SMC2: variants seen among roughly 807,000 people sequenced by gnomAD.
The protein encoded by SMC2 is structural maintenance of chromosomes protein 2.
SMC2 carries 41 observed loss-of-function variants against 142.6 expected under a neutral mutation model. The observed-to-expected ratio is 0.29, with a 90% CI of 0.22 to 0.37. The LOEUF is 0.37. Ranked by LOEUF, SMC2 falls within the 10% of genes least tolerant of loss-of-function variation. The pLI is 1.00. For missense variants in SMC2, 1,265 were observed against 1,373.7 expected, an observed-to-expected ratio of 0.92 and a Z score of 1.25; for synonymous variants, 463 against 457.5, an observed-to-expected ratio of 1.01 and a Z score of -0.15.
At chr9:104,105,018 T>C (rs1831589643) in intron 9 of SMC2, among the ~76,000 whole-genome samples, 2 of 152,186 alleles carry the variant, frequency 1.3e-5, no homozygotes, top group South Asian at 4.1e-4. Flanking sequence ...CTGCGATACC[T>C]GAGGTGTTTA....
chr9:104,105,354 C>A (rs992894763), intron 9 of SMC2, among the ~76,000 whole-genome samples: 2 of 152,004 alleles, frequency 1.3e-5, no homozygotes, highest in African/African-American at 4.8e-5. Context: ...CCTGACATTG[C>A]CCATCTTCTG....
chr9:104,102,079 A>G lies in SMC2; in HGVS notation c.756A>G (p.Glu252=). Residue 252 remains glutamate (E), a synonymous_variant, in exon 8 of 25, where the codon GAA becomes GAG. Transcript: ENST00000374793. ...AEDTKVRSAE[E]LKEMQDKVIK... ...ATACCAAAGTACGCTCAGCTGAGGA[A>G]TTAAAAGAAATGCAAGATAAAGTTA... 6.2e-7 allele frequency: 1 copy of G among 1,609,758 alleles called. No homozygotes were observed. Among genetic ancestry groups the G allele is most frequent in the South Asian group, 1.1e-5 (1 of 90,866 alleles).
intron 16 of SMC2, among the ~76,000 whole-genome samples, chr9:104,122,467 TTTG>T: frequency 6.7e-6 from 1 of 150,334 alleles, no homozygotes; most frequent in Non-Finnish European, 1.5e-5. Context: ...TTTTATAAGT[TTTG>T]TTTTTTTTTT....
At chr9:104,133,510 G>A (rs1353971232) in intron 22 of SMC2, among the ~76,000 whole-genome samples, 5 of 152,076 alleles carry the variant, frequency 3.3e-5, no homozygotes, top group African/African-American at 1.2e-4. Context: ...TTTGAATATT[G>A]TATACCTGCA....
chr9:104,103,267 G>C (rs1831366708), intron 9 of SMC2, among the ~76,000 whole-genome samples: 1 of 152,068 alleles, frequency 6.6e-6, no homozygotes, highest in Non-Finnish European at 1.5e-5. Context: ...TCAAGGAGAA[G>C]TGGCCATGAG....
chr9:104,120,797 C>G (rs1833646317), intron 16 of SMC2, among the ~76,000 whole-genome samples: 1 of 152,082 alleles, frequency 6.6e-6, no homozygotes, highest in Non-Finnish European at 1.5e-5. Context: ...GCTAATGTAA[C>G]CTTTTTTTGT....
chr9:104,129,993 A>G (rs1834765424), intron 21 of SMC2, 148 bp downstream of exon 21: 1 of 639,344 alleles, frequency 1.6e-6, no homozygotes. Context: ...TCTTTTCGTC[A>G]TTTTTTTCTT....
At position 104,113,294 on chromosome 9, in the gene SMC2, CTG is replaced by C. The variant is rs1348906057; in HGVS notation, c.1255-20_1255-19del. 6.3e-7 allele frequency: 1 copy of C among 1,590,766 alleles called. No individual in the cohort carries two copies. The highest frequency in any genetic ancestry group is 2.3e-5 in the East Asian group (1 of 44,252). On this transcript the variant is annotated intron_variant, in intron 10 of 24. Coordinates refer to ENST00000374793, the MANE Select transcript of SMC2 (RefSeq NM_006444.3). Reference sequence around the variant, plus strand: ...CTGTCTGCCTCATACATCCTATGGTCTGTTGCATTTTTCTGCCACAGGCTCAG... The same window carrying C: ...CTGTCTGCCTCATACATCCTATGGTCTTGCATTTTTCTGCCACAGGCTCAG...
Position 104,140,063 on chromosome 9 carries a change from T to C in SMC2, c.*748T>C, listed in dbSNP as rs1265041774. ...TTAGGAGGTGTGTTGCGTGGTACTA[T>C]CTGCTGCAAATTTATCTGAAGTTTG... On this transcript the variant is annotated 3_prime_UTR_variant, in exon 25 of 25. Coordinates refer to ENST00000374793, the MANE Select transcript of SMC2 (RefSeq NM_006444.3). The C allele has an allele frequency of 6.6e-6, 1 of 152,126 alleles. No homozygotes were observed. The highest frequency in any genetic ancestry group is 1.5e-5 in the Non-Finnish European group (1 of 67,998). The allele number at this position is 152,126 out of a possible 1,614,324, so 9.4% of individuals were successfully genotyped here.
chr9:104,123,667 G>C lies in SMC2; in HGVS notation c.2257+435G>C, dbSNP rs990443599. On this transcript the variant is annotated intron_variant, in intron 17 of 24. Coordinates refer to ENST00000374793, the MANE Select transcript of SMC2 (RefSeq NM_006444.3). ...TTTCTTTTGCCCATGGGTTGCTCAT[G>C]GTTTTTTTCCCACTGTTCTCATGCT... Among the ~76,000 whole-genome samples, 7 of 152,158 alleles carry C rather than the reference G, an allele frequency of 4.6e-5. No individual in the cohort carries two copies. In the South Asian group the frequency reaches 8.3e-4, roughly 18 times the overall value.
Position 104,113,359 on chromosome 9 carries a change from A to C in SMC2, c.1298A>C (p.Lys433Thr). The C allele has an allele frequency of 6.2e-7, 1 of 1,611,482 alleles. No homozygotes were observed. The highest frequency in any genetic ancestry group is 8.5e-7 in the Non-Finnish European group (1 of 1,178,826). ...LKHAQQELKNKQAEVKKMDSG... is the reference protein window; with the variant it reads ...LKHAQQELKNTQAEVKKMDSG... ...CATGCTCAACAGGAATTAAAGAATA[A>C]ACAAGCTGAAGTTAAGAAGATGGAT... Residue 433 changes from lysine to threonine, a missense_variant, in exon 11 of 25, where the codon AAA (lysine) becomes ACA (threonine). Lys to Thr is a moderately conservative substitution (Grantham distance 78). Coordinates refer to ENST00000374793, the MANE Select transcript of SMC2 (RefSeq NM_006444.3).
intron 21 of SMC2, among the ~76,000 whole-genome samples, chr9:104,130,814 T>C (rs1293939055): frequency 2.0e-5 from 3 of 152,228 alleles, no homozygotes; most frequent in Non-Finnish European, 4.4e-5. Context: ...CGTTTACTTC[T>C]ATTAGATGAG....
chr9:104,112,478 A>G (rs1832578573), intron 10 of SMC2, among the ~76,000 whole-genome samples: 2 of 152,220 alleles, frequency 1.3e-5, no homozygotes, highest in African/African-American at 2.4e-5. Flanking sequence ...TGGAAGACAC[A>G]GATTTTAAAA....
At position 104,104,353 on chromosome 9, in the gene SMC2, A is replaced by G. The variant is rs1217903513; in HGVS notation, c.1020+1780A>G. 4.6e-5 allele frequency among the ~76,000 whole-genome samples: 7 copies of G among 152,204 alleles called. No individual in the cohort carries two copies. In the South Asian group the frequency reaches 8.3e-4, roughly 18 times the overall value. On this transcript the variant is annotated intron_variant, in intron 9 of 24. Transcript: ENST00000374793. ...AGGCAACAAGGGAAAACAGAAGTCT[A>G]GGATTCATTGCAAGCTGATCTCCCA...
chr9:104,127,868 A>G (rs559170546), intron 20 of SMC2, among the ~76,000 whole-genome samples: 1 of 152,328 alleles, frequency 6.6e-6, no homozygotes, highest in Admixed American at 6.5e-5. Context: ...ATATACAGGT[A>G]ATCTAAAAAA....
rs373788565 is a variant in SMC2, at chr9:104,126,758, A to G, written c.2569A>G (p.Met857Val). The G allele has an allele frequency of 2.5e-6, 4 of 1,607,214 alleles. No individual in the cohort carries two copies. The highest frequency in any genetic ancestry group is 1.1e-5 in the South Asian group (1 of 90,076). The change falls in exon 19 of 25, where the codon ATG (methionine) becomes GTG (valine). Residue 857 changes from methionine to valine, a missense_variant. Around this residue, in one of 4 missense-constraint regions of SMC2, gnomAD observed 898 missense variants for 904.2 expected, o/e 0.99. Transcript: ENST00000374793. The stretch of plus-strand genomic sequence containing the variant: ...ATCCTATGAAAGTCAGATTGAAGTA[A>G]TGGCAGCTGAGGTGGCTAAAAATAA... Reference protein sequence around the residue: ...IKSYESQIEVMAAEVAKNKES... With the variant: ...IKSYESQIEVVAAEVAKNKES...
intron 16 of SMC2, among the ~76,000 whole-genome samples, chr9:104,122,668 C>T (rs1833866353): frequency 6.6e-6 from 1 of 152,082 alleles, no homozygotes; most frequent in African/African-American, 2.4e-5. Flanking sequence ...ATTTTTCTTA[C>T]ACTAAAAGTA....
At chr9:104,131,586 C>T (rs1587995858) in intron 21 of SMC2, among the ~76,000 whole-genome samples, 1 of 150,868 alleles carries the variant, frequency 6.6e-6, no homozygotes, top group East Asian at 1.9e-4. Flanking sequence ...GTTCATGTCA[C>T]TGCTAAGGCT....
chr9:104,094,549 C>T (rs1191494303), intron 1 of SMC2, 72 bp downstream of exon 1: 7 of 218,842 alleles, frequency 3.2e-5, no homozygotes, highest in African/African-American at 1.2e-4. Flanking sequence ...AGGCGGGAGG[C>T]GGGGCGCGGG....
Sources: gnomAD v4.1 joint callset for allele counts (sites outside exome capture counted in the v4.1 genomes callset) on GRCh38, gnomAD v4.1.1 for gene constraint, gnomAD v4.1.1 regional missense constraint, MANE v1.5 for transcripts, NCBI Gene and HGNC (gene_info 2026-07-23, HGNC 2026-07-21) for gene names.